PRICKLE2: variants seen among roughly 807,000 people sequenced by gnomAD.
PRICKLE2 encodes prickle-like protein 2.
A neutral mutation model predicts 81.4 loss-of-function variants in PRICKLE2; 21 were observed. That is an observed-to-expected ratio of 0.26 (90% CI 0.18 to 0.37). The LOEUF (loss-of-function observed/expected upper bound fraction) is 0.37. Among genes scored for constraint, PRICKLE2 ranks in the 10% least tolerant of loss-of-function variants. The probability of loss-of-function intolerance (pLI) is 1.00; values close to 1 mark genes in which losing one functional copy is unlikely to be tolerated. For synonymous variants in PRICKLE2, 456 were observed against 421.5 expected (o/e 1.08, Z -1.00); for missense variants, 940 against 1,109.0 (o/e 0.85, Z 2.16).
chr3:64,202,279 CA>C (rs138766429), intron 1 of PRICKLE2, among the ~76,000 whole-genome samples: 17 of 151,304 alleles, frequency 1.1e-4, no homozygotes, highest in African/African-American at 3.6e-4. Context: ...TCAATTTGTG[CA>C]AAAAAAAGCC....
At chr3:64,216,152 T>C (rs2078868530) in intron 1 of PRICKLE2, among the ~76,000 whole-genome samples, 1 of 152,194 alleles carries the variant, frequency 6.6e-6, no homozygotes, top group African/African-American at 2.4e-5. Context: ...AAAAACATTA[T>C]TTTTTCCAGT....
intron 7 of PRICKLE2, among the ~76,000 whole-genome samples, chr3:64,124,335 G>T (rs1223116752): frequency 6.6e-6 from 1 of 152,336 alleles, no homozygotes; most frequent in East Asian, 1.9e-4. Context: ...ACATAAAAGT[G>T]CAAGGTGAAG....
At chr3:64,263,983 G>A (rs1289825120) in intron 2 of PRICKLE2, among the ~76,000 whole-genome samples, 4 of 152,074 alleles carry the variant, frequency 2.6e-5, no homozygotes, top group Non-Finnish European at 5.9e-5. Flanking sequence ...AGCAGGCTTC[G>A]GCAGAGTGGC....
At chr3:64,162,554 T>G (rs2077752325) in intron 3 of PRICKLE2, among the ~76,000 whole-genome samples, 1 of 152,232 alleles carries the variant, frequency 6.6e-6, no homozygotes, top group Non-Finnish European at 1.5e-5. Context: ...TCTGGACATG[T>G]AATTCTCCTG....
chr3:64,175,962 C>G (rs1284753175), intron 2 of PRICKLE2, among the ~76,000 whole-genome samples: 1 of 152,098 alleles, frequency 6.6e-6, no homozygotes, highest in Non-Finnish European at 1.5e-5. Context: ...CATGAAGCAC[C>G]TAGGCTCTTC....
intron 7 of PRICKLE2, among the ~76,000 whole-genome samples, chr3:64,119,694 T>A (rs1402757117): frequency 6.6e-6 from 1 of 152,166 alleles, no homozygotes; most frequent in African/African-American, 2.4e-5. Context: ...AACCCAGCAA[T>A]CCCATTACCG....
chr3:64,262,176 T>C (rs930639905), intron 2 of PRICKLE2, among the ~76,000 whole-genome samples: 9 of 152,160 alleles, frequency 5.9e-5, no homozygotes, highest in Admixed American at 5.2e-4. Flanking sequence ...AGCTCCTTTC[T>C]AGTCAGTCCT....
chr3:64,213,419 G>T (rs2078823899), intron 1 of PRICKLE2, among the ~76,000 whole-genome samples: 1 of 152,184 alleles, frequency 6.6e-6, no homozygotes. Context: ...AGGCAGACAG[G>T]TTAGACAGTA....
chr3:64,158,422 C>T (rs750293609), intron 4 of PRICKLE2, among the ~76,000 whole-genome samples: 1 of 152,204 alleles, frequency 6.6e-6, no homozygotes, highest in Non-Finnish European at 1.5e-5. Context: ...AGCATGCAGA[C>T]ATAATCCTAT....
Position 64,093,193 on chromosome 3 carries a change from C to G in PRICKLE2, c.*5858G>C, listed in dbSNP as rs1174928143. ...GGTTCATCCATGTTGTAGCATGTGT[C>G]AGAATTTCCTTCCGTTTTAAGGCTG... On this transcript the variant is annotated 3_prime_UTR_variant, in exon 8 of 8. Coordinates refer to ENST00000638394, the MANE Select transcript of PRICKLE2 (RefSeq NM_198859.4). 1 of 170,108 alleles carries G rather than the reference C, an allele frequency of 5.9e-6. No individual in the cohort carries two copies. Among genetic ancestry groups the G allele is most frequent in the African/African-American group, 2.4e-5 (1 of 41,898 alleles). The allele number at this position is 170,108 out of a possible 1,614,324, so 10.5% of individuals were successfully genotyped here.
chr3:64,247,589 A>G (rs1164377633), intron 2 of PRICKLE2, among the ~76,000 whole-genome samples: 1 of 152,222 alleles, frequency 6.6e-6, no homozygotes, highest in East Asian at 1.9e-4. Context: ...AATTAGGAGC[A>G]AGGCAAAAAT....
At chr3:64,230,371 G>C (rs192243730), upstream of PRICKLE2, among the ~76,000 whole-genome samples, 1 of 152,138 alleles carries the variant, frequency 6.6e-6, no homozygotes, top group African/African-American at 2.4e-5. Flanking sequence ...TCCTAAATGA[G>C]TATTAGAGAT....
rs78627234 is a variant in PRICKLE2 at position 64,095,318 on chromosome 3, C to T, written c.*3733G>A. ...TTATACATATTGGTTCCTAAATGTT[C>T]GTAATTATGCTTCCTAAACTGTTTT... On this transcript the variant is annotated 3_prime_UTR_variant, in exon 8 of 8. Coordinates refer to ENST00000638394, the MANE Select transcript of PRICKLE2 (RefSeq NM_198859.4). 3.3e-5 allele frequency: 5 copies of T among 152,098 alleles called. No homozygotes were observed. The highest frequency in any genetic ancestry group is 2.9e-5 in the Non-Finnish European group (2 of 68,022). The allele number at this position is 152,098 out of a possible 1,614,324, so 9.4% of individuals were successfully genotyped here.
intron 7 of PRICKLE2, among the ~76,000 whole-genome samples, chr3:64,130,839 C>T (rs1439950204): frequency 6.6e-6 from 1 of 152,162 alleles, no homozygotes; most frequent in Non-Finnish European, 1.5e-5. Context: ...TTAAAGCTCC[C>T]CAGATGACTC....
intron 2 of PRICKLE2, among the ~76,000 whole-genome samples, chr3:64,183,175 A>G (rs576094147): frequency 1.1e-3 from 168 of 152,278 alleles, no homozygotes; most frequent in Admixed American, 2.0e-3. Context: ...TGTTAGTATT[A>G]TAGAAACCAG....
chr3:64,144,040 T>C (rs2077405556), intron 7 of PRICKLE2, among the ~76,000 whole-genome samples: 1 of 152,122 alleles, frequency 6.6e-6, no homozygotes, highest in African/African-American at 2.4e-5. Context: ...TGGATGTATT[T>C]GAGGAGGATA....
intron 2 of PRICKLE2, among the ~76,000 whole-genome samples, chr3:64,181,491 A>T (rs1019142471): frequency 6.6e-5 from 10 of 152,112 alleles, no homozygotes; most frequent in African/African-American, 2.4e-4. Flanking sequence ...AGTTTTGGTT[A>T]TCTATTATAA....
At chr3:64,234,328 A>T (rs1408739656) in intron 2 of PRICKLE2, among the ~76,000 whole-genome samples, 1 of 152,068 alleles carries the variant, frequency 6.6e-6, no homozygotes, top group Non-Finnish European at 1.5e-5. Flanking sequence ...AAAACTTGTT[A>T]CTGTCTTTTT....
At chr3:64,108,590 C>G (rs981029405) in intron 7 of PRICKLE2, among the ~76,000 whole-genome samples, 1 of 152,076 alleles carries the variant, frequency 6.6e-6, no homozygotes, top group African/African-American at 2.4e-5. Context: ...ATCTGTGGAC[C>G]AGCCACGATG....
Sources: allele counts gnomAD v4.1 joint callset (sites outside exome capture counted in the v4.1 genomes callset), GRCh38; gene constraint gnomAD v4.1.1; transcripts MANE v1.5; gene names NCBI Gene and HGNC (gene_info 2026-07-23, HGNC 2026-07-21).